MFHAS1: variants seen among roughly 807,000 people sequenced by gnomAD.
MFHAS1 encodes malignant fibrous histiocytoma-amplified sequence 1.
A neutral mutation model predicts 70.4 loss-of-function variants in MFHAS1; 50 were observed. The ratio of observed to expected loss-of-function variants is 0.71; its 90% CI spans 0.57 to 0.90. The LOEUF is 0.90. Among genes scored for constraint, MFHAS1 ranks in the 40% least tolerant of loss-of-function variants. MFHAS1 has a pLI of 0.00. For missense variants in MFHAS1, 1,795 were observed against 1,347.6 expected, an observed-to-expected ratio of 1.33 and a Z score of -5.20; for synonymous variants, 952 against 620.0, an observed-to-expected ratio of 1.54 and a Z score of -7.96.
intron 2 of MFHAS1, among the ~76,000 whole-genome samples, chr8:8,796,267 C>G (rs939431466): frequency 3.3e-5 from 5 of 152,158 alleles, no homozygotes; most frequent in African/African-American, 1.2e-4. Context: ...TTTTCAGGGA[C>G]TGACTCCGCA....
chr8:8,836,562 G>T (rs1336671307), intron 1 of MFHAS1, among the ~76,000 whole-genome samples: 1 of 152,034 alleles, frequency 6.6e-6, no homozygotes, highest in Non-Finnish European at 1.5e-5. Flanking sequence ...TTTTTCTGTG[G>T]AGGCAGGGTC....
chr8:8,793,990 C>A (rs966671731), intron 2 of MFHAS1, among the ~76,000 whole-genome samples: 3 of 152,176 alleles, frequency 2.0e-5, no homozygotes, highest in Middle Eastern at 3.4e-3. Flanking sequence ...GAGTTCGAGA[C>A]CAGCCCAGCC....
At chr8:8,857,749 G>C (rs1585055365) in intron 1 of MFHAS1, among the ~76,000 whole-genome samples, 2 of 150,970 alleles carry the variant, frequency 1.3e-5, no homozygotes, top group Admixed American at 1.3e-4. Context: ...AACAGAGCAA[G>C]ACTCCGTCTC....
intron 1 of MFHAS1, among the ~76,000 whole-genome samples, chr8:8,876,070 C>T (rs1280314059): frequency 1.3e-5 from 2 of 152,176 alleles, no homozygotes; most frequent in Non-Finnish European, 2.9e-5. Context: ...GCAGCAAACT[C>T]CTACTGAGCT....
intron 1 of MFHAS1, among the ~76,000 whole-genome samples, chr8:8,883,153 A>G (rs1809595709): frequency 6.6e-6 from 1 of 152,008 alleles, no homozygotes; most frequent in African/African-American, 2.4e-5. Context: ...ACTCCGTCTC[A>G]AAACAAAAAC....
chr8:8,811,555 G>A (rs988886962), intron 1 of MFHAS1, among the ~76,000 whole-genome samples: 2 of 152,268 alleles, frequency 1.3e-5, no homozygotes, highest in South Asian at 2.1e-4. Flanking sequence ...TGGGATTACC[G>A]GCGTGAGCCG....
chr8:8,794,439 G>A (rs1295496992), intron 2 of MFHAS1, among the ~76,000 whole-genome samples: 3 of 152,152 alleles, frequency 2.0e-5, no homozygotes, highest in Admixed American at 6.5e-5. Context: ...CCCGGAGCCT[G>A]GCCCGGCCTC....
intron 1 of MFHAS1, among the ~76,000 whole-genome samples, chr8:8,799,400 C>A (rs1038333705): frequency 6.6e-6 from 1 of 152,176 alleles, no homozygotes; most frequent in Admixed American, 6.5e-5. Context: ...AAAGTGAAAC[C>A]ATGGATAAGG....
At chr8:8,854,022 C>T (rs919133614) in intron 1 of MFHAS1, among the ~76,000 whole-genome samples, 2 of 152,172 alleles carry the variant, frequency 1.3e-5, no homozygotes, top group African/African-American at 4.8e-5. Context: ...TAGTTGTGTT[C>T]ACATTATTAA....
At chr8:8,845,480 G>C (rs567942634) in intron 1 of MFHAS1, among the ~76,000 whole-genome samples, 10 of 152,310 alleles carry the variant, frequency 6.6e-5, no homozygotes, top group Admixed American at 6.5e-4. Context: ...AGTGGCATCT[G>C]TGAGGCTGCC....
At chr8:8,814,304 C>G (rs1806656419) in intron 1 of MFHAS1, among the ~76,000 whole-genome samples, 1 of 152,146 alleles carries the variant, frequency 6.6e-6, no homozygotes, top group African/African-American at 2.4e-5. Flanking sequence ...CAAATACTTA[C>G]CATCGTTGTT....
At chr8:8,815,051 G>C (rs1423985618) in intron 1 of MFHAS1, among the ~76,000 whole-genome samples, 1 of 151,996 alleles carries the variant, frequency 6.6e-6, no homozygotes, top group Non-Finnish European at 1.5e-5. Context: ...AGTGTGTGTT[G>C]TTTCCCTCCC....
chr8:8,841,937 G>A (rs188788564), intron 1 of MFHAS1, among the ~76,000 whole-genome samples: 1 of 152,300 alleles, frequency 6.6e-6, no homozygotes, highest in Admixed American at 6.5e-5. Flanking sequence ...TTCTGCATTA[G>A]CTCCAGAAAT....
At chr8:8,794,744 T>A (rs1805834669) in intron 2 of MFHAS1, among the ~76,000 whole-genome samples, 1 of 152,154 alleles carries the variant, frequency 6.6e-6, no homozygotes, top group Non-Finnish European at 1.5e-5. Context: ...TTTTTTAACC[T>A]CTTTCAAAAT....
At chr8:8,874,057 C>A (rs78945375) in intron 1 of MFHAS1, among the ~76,000 whole-genome samples, 1 of 152,082 alleles carries the variant, frequency 6.6e-6, no homozygotes, top group African/African-American at 2.4e-5. Flanking sequence ...CAAAGCGAAG[C>A]CTTCATAACC....
chr8:8,818,665 A>C (rs1319707041), intron 1 of MFHAS1, among the ~76,000 whole-genome samples: 1 of 152,210 alleles, frequency 6.6e-6, no homozygotes, highest in African/African-American at 2.4e-5. Flanking sequence ...CATAATAGCA[A>C]CTCACTCAAT....
intron 1 of MFHAS1, among the ~76,000 whole-genome samples, chr8:8,818,778 C>A (rs1386812464): frequency 6.6e-6 from 1 of 152,216 alleles, no homozygotes; most frequent in African/African-American, 2.4e-5. Context: ...GAAGCAACTG[C>A]AAGGGCCCTG....
rs1240344191 is a variant in MFHAS1, at chr8:8,864,902, T to C, written c.2998+25159A>G. On this transcript the variant is annotated intron_variant, in intron 1 of 2. Transcript: ENST00000276282. ...CTCATCCAAAAAATTACTTGAGATTTCTTTTGGCTTTAGGTATGAACCACA... is the reference window on the plus strand; with the variant it reads ...CTCATCCAAAAAATTACTTGAGATTCCTTTTGGCTTTAGGTATGAACCACA... Among the ~76,000 whole-genome samples the C allele has an allele frequency of 5.3e-5, 8 of 152,326 alleles. No homozygotes were observed. The East Asian group carries it at 1.5e-3, about 29-fold the overall frequency.
At chr8:8,868,150 G>A (rs1808932609) in intron 1 of MFHAS1, among the ~76,000 whole-genome samples, 1 of 151,934 alleles carries the variant, frequency 6.6e-6, no homozygotes, top group Non-Finnish European at 1.5e-5. Flanking sequence ...GGATTCAGTT[G>A]AATCTCCCAG....
Sources: gnomAD v4.1 joint callset for allele counts (sites outside exome capture counted in the v4.1 genomes callset) on GRCh38, gnomAD v4.1.1 for gene constraint, MANE v1.5 for transcripts, NCBI Gene and HGNC (gene_info 2026-07-23, HGNC 2026-07-21) for gene names.